DLGAP1: variants seen among roughly 807,000 people sequenced by gnomAD.
DLGAP1 encodes the protein DLG associated protein 1, also known as disks large-associated protein 1.
DLGAP1 carries 11 observed loss-of-function variants against 90.8 expected under a neutral mutation model. That is an observed-to-expected ratio of 0.12 (90% CI 0.08 to 0.20). The LOEUF (loss-of-function observed/expected upper bound fraction) is 0.20, where lower values mean the gene tolerates loss of function less well. Ranked by LOEUF, DLGAP1 falls within the 10% of genes least tolerant of loss-of-function variation. The pLI, the probability that DLGAP1 is intolerant of heterozygous loss-of-function variation, is 1.00. For missense variants in DLGAP1, 1,050 were observed against 1,333.8 expected (o/e 0.79, Z 3.31); for synonymous variants, 558 against 540.7 (o/e 1.03, Z -0.44).
intron 3 of DLGAP1, among the ~76,000 whole-genome samples, chr18:3,990,472 T>C (rs12963981): frequency 0.94 from 123,487 of 130,896 alleles, 58,221 homozygotes; most frequent in East Asian, 1. Context: ...CATCACACTC[T>C]GGGGACTGTT....
chr18:4,417,930 A>T (rs2082939922), intron 1 of DLGAP1, among the ~76,000 whole-genome samples: 1 of 152,178 alleles, frequency 6.6e-6, no homozygotes, highest in East Asian at 1.9e-4. Context: ...AGTAATCCAC[A>T]GTGCTGCTTG....
At chr18:4,153,392 T>C (rs1184214787) in intron 1 of DLGAP1, among the ~76,000 whole-genome samples, 4 of 152,238 alleles carry the variant, frequency 2.6e-5, no homozygotes, top group Non-Finnish European at 5.9e-5. Flanking sequence ...GAGAAGGGCA[T>C]TGAAACCAGA....
chr18:4,120,943 C>T (rs1351955422), intron 2 of DLGAP1, among the ~76,000 whole-genome samples: 1 of 152,154 alleles, frequency 6.6e-6, no homozygotes, highest in Non-Finnish European at 1.5e-5. Flanking sequence ...TAGACACAGA[C>T]CCTGTTCTCA....
At chr18:3,584,824 T>C (rs2055778927) in intron 7 of DLGAP1, among the ~76,000 whole-genome samples, 1 of 152,200 alleles carries the variant, frequency 6.6e-6, no homozygotes, top group African/African-American at 2.4e-5. Context: ...CGATCATGGC[T>C]CACTGCAGCC....
intron 1 of DLGAP1, among the ~76,000 whole-genome samples, chr18:4,242,882 G>A (rs1336446674): frequency 1.3e-5 from 2 of 152,064 alleles, no homozygotes; most frequent in Non-Finnish European, 2.9e-5. Flanking sequence ...CCCATGATGA[G>A]GGCTAGGTCA....
At chr18:3,649,867 CT>C (rs911644814) in intron 7 of DLGAP1, among the ~76,000 whole-genome samples, 6 of 152,030 alleles carry the variant, frequency 3.9e-5, no homozygotes, top group Non-Finnish European at 8.8e-5. Context: ...TTGAGGTCAA[CT>C]TTATCTGAGG....
chr18:3,638,912 T>C (rs1341072379), intron 7 of DLGAP1, among the ~76,000 whole-genome samples: 3 of 152,242 alleles, frequency 2.0e-5, no homozygotes, highest in Non-Finnish European at 2.9e-5. Flanking sequence ...AAGTGGATAT[T>C]AGATAAGGTT....
At chr18:3,664,257 A>G (rs2059801672) in intron 7 of DLGAP1, among the ~76,000 whole-genome samples, 2 of 149,044 alleles carry the variant, frequency 1.3e-5, no homozygotes, top group South Asian at 4.1e-4. Flanking sequence ...ACTTCTCTGG[A>G]GAACTCTGAC....
chr18:3,650,099 A>C (rs1413091122), intron 7 of DLGAP1, among the ~76,000 whole-genome samples: 1 of 152,102 alleles, frequency 6.6e-6, no homozygotes, highest in Non-Finnish European at 1.5e-5. Flanking sequence ...GCTGGAATGC[A>C]GTTGCACAAT....
intron 11 of DLGAP1, among the ~76,000 whole-genome samples, chr18:3,507,192 A>C (rs944550439): frequency 3.9e-5 from 6 of 152,138 alleles, no homozygotes; most frequent in Non-Finnish European, 7.4e-5. Context: ...AGAAGTGGTT[A>C]AAACTCCAAA....
At chr18:3,987,897 A>C (rs1362991546) in intron 3 of DLGAP1, among the ~76,000 whole-genome samples, 1 of 152,202 alleles carries the variant, frequency 6.6e-6, no homozygotes, top group Non-Finnish European at 1.5e-5. Flanking sequence ...AGTGGTGCCC[A>C]ACCTTTTTGG....
At chr18:3,893,581 AAATAATAATAAT>A (rs57334634) in intron 3 of DLGAP1, among the ~76,000 whole-genome samples, 405 of 143,054 alleles carry the variant, frequency 2.8e-3, no homozygotes, top group African/African-American at 8.3e-3. Flanking sequence ...CTCAATCTCA[AAATAATAATAAT>A]AATAATAATA....
chr18:3,563,457 C>CTT (rs58594970), intron 9 of DLGAP1, among the ~76,000 whole-genome samples: 191 of 138,248 alleles, frequency 1.4e-3, no homozygotes, highest in African/African-American at 4.5e-3. Context: ...TCTGTTATGG[C>CTT]TTTTTTTTGT....
At chr18:4,059,713 A>AAAATAAATAAAT (rs61167816) in intron 2 of DLGAP1, among the ~76,000 whole-genome samples, 1,612 of 150,550 alleles carry the variant, frequency 0.011, 24 homozygotes, top group African/African-American at 0.035. Flanking sequence ...CTCCATCTCA[A>AAAATAAATAAAT]AAATAAATAA....
chr18:4,399,030 T>G (rs1359363954), intron 1 of DLGAP1, among the ~76,000 whole-genome samples: 2 of 152,064 alleles, frequency 1.3e-5, no homozygotes, highest in East Asian at 3.9e-4. Context: ...AGGGTTTTCA[T>G]CATGTTGGCC....
intron 1 of DLGAP1, among the ~76,000 whole-genome samples, chr18:4,210,517 G>A (rs1386237251): frequency 2.0e-5 from 3 of 152,074 alleles, no homozygotes; most frequent in Non-Finnish European, 4.4e-5. Flanking sequence ...CGATTCCAGT[G>A]GAACAGACTT....
intron 1 of DLGAP1, among the ~76,000 whole-genome samples, chr18:4,172,592 A>C (rs1174725576): frequency 6.6e-6 from 1 of 152,234 alleles, no homozygotes; most frequent in African/African-American, 2.4e-5. Flanking sequence ...TCAAATTAAA[A>C]TAAAATAGAA....
intron 2 of DLGAP1, among the ~76,000 whole-genome samples, chr18:4,112,474 A>G (rs1395099264): frequency 6.6e-6 from 1 of 152,088 alleles, no homozygotes; most frequent in African/African-American, 2.4e-5. Context: ...TTGTTTATCT[A>G]CTGTCTAGTA....
rs532982816 is a variant in DLGAP1, at chr18:3,729,776, C to A, written c.1351-401G>T. Among the ~76,000 whole-genome samples the A allele has an allele frequency of 2.6e-5, 4 of 152,152 alleles. No homozygotes were observed. The highest frequency in any genetic ancestry group is 9.7e-5 in the African/African-American group (4 of 41,450). ...CAAGGAAATGTGGGGCTTATTCCAA[C>A]GCATGACATTCTTATTTATAAAGGC... On this transcript the variant is annotated intron_variant, in intron 6 of 12. Coordinates refer to ENST00000315677, the MANE Select transcript of DLGAP1 (RefSeq NM_004746.4). The surrounding 1 kb of genome is among the most constrained non-coding windows in gnomAD (Gnocchi z 6.2).
Sources: gnomAD v4.1 joint callset for allele counts (sites outside exome capture counted in the v4.1 genomes callset) on GRCh38, gnomAD v4.1.1 for gene constraint, Gnocchi (gnomAD v3.1) non-coding constraint, MANE v1.5 for transcripts, NCBI Gene and HGNC (gene_info 2026-07-23, HGNC 2026-07-21) for gene names.